LINGO1: variants seen among roughly 807,000 people sequenced by gnomAD.
LINGO1 encodes leucine-rich repeat and immunoglobulin-like domain-containing nogo receptor-interacting protein 1.
A neutral mutation model predicts 37.3 loss-of-function variants in LINGO1; 11 were observed. That is an observed-to-expected ratio of 0.29 (90% CI 0.19 to 0.49). The LOEUF (loss-of-function observed/expected upper bound fraction) is 0.49. LINGO1 is among the 20% of genes least tolerant of loss of function. The probability of loss-of-function intolerance (pLI) is 0.99; values close to 1 mark genes in which losing one functional copy is unlikely to be tolerated. For synonymous variants in LINGO1, 387 were observed against 403.0 expected (o/e 0.96, Z 0.48); for missense variants, 585 against 878.2 (o/e 0.67, Z 4.22).
At chr15:77,796,711 CTTTT>C (rs59535084) in intron 1 of LINGO1, among the ~76,000 whole-genome samples, 4 of 142,696 alleles carry the variant, frequency 2.8e-5, no homozygotes, top group African/African-American at 2.6e-5. Flanking sequence ...CCTCTCCTGC[CTTTT>C]TTTTTTTTTT....
In LINGO1 at chr15:77,658,733, G is replaced by A. The variant is rs555658893; in HGVS notation, c.-13+18356C>T. 4.6e-5 allele frequency among the ~76,000 whole-genome samples: 7 copies of A among 152,354 alleles called. No individual in the cohort carries two copies. In the South Asian group the frequency reaches 1.5e-3, roughly 32 times the overall value. ...ACCTCGGTTCTGGGCAAACCAGGAT[G>A]ACTGTCACCTGAAGGCTACTTTAGG... On this transcript the variant is annotated intron_variant, in intron 3 of 3. Transcript: ENST00000559893.
At chr15:77,709,729 G>A (rs2075895437) in intron 2 of LINGO1, among the ~76,000 whole-genome samples, 2 of 152,242 alleles carry the variant, frequency 1.3e-5, no homozygotes, top group Admixed American at 1.3e-4. Context: ...TGCCTGTCCT[G>A]ATGGAGCCAC....
At chr15:77,741,674 C>G (rs1464396448) in intron 1 of LINGO1, among the ~76,000 whole-genome samples, 2 of 152,230 alleles carry the variant, frequency 1.3e-5, no homozygotes, top group Non-Finnish European at 2.9e-5. Context: ...GTTCCGCAGA[C>G]AAGTAGCTTC....
intron 1 of LINGO1, among the ~76,000 whole-genome samples, chr15:77,736,994 C>G (rs1435137038): frequency 6.6e-6 from 1 of 152,182 alleles, no homozygotes; most frequent in Non-Finnish European, 1.5e-5. Context: ...GGGGTGTACC[C>G]TCACCTGTGT....
At chr15:77,720,277 G>C (rs895147825) in intron 2 of LINGO1, among the ~76,000 whole-genome samples, 1 of 152,186 alleles carries the variant, frequency 6.6e-6, no homozygotes, top group African/African-American at 2.4e-5. Flanking sequence ...AGGAGTAAAC[G>C]GCGTTTTTAT....
intron 2 of LINGO1, among the ~76,000 whole-genome samples, chr15:77,686,705 C>G (rs1427800246): frequency 1.3e-5 from 2 of 152,186 alleles, no homozygotes; most frequent in African/African-American, 4.8e-5. Flanking sequence ...CCATCCTTGC[C>G]TCTTCGGGGA....
At chr15:77,657,436 C>G (rs1228216957) in intron 3 of LINGO1, among the ~76,000 whole-genome samples, 1 of 152,194 alleles carries the variant, frequency 6.6e-6, no homozygotes, top group African/African-American at 2.4e-5. Context: ...AGGCCATTCT[C>G]TCTGGGTGTC....
intron 2 of LINGO1, among the ~76,000 whole-genome samples, chr15:77,726,374 G>A (rs1390691403): frequency 2.0e-5 from 3 of 152,202 alleles, no homozygotes; most frequent in Non-Finnish European, 4.4e-5. Flanking sequence ...GGTGCAGCAA[G>A]ACCCAAAGAC....
intron 2 of LINGO1, among the ~76,000 whole-genome samples, chr15:77,686,480 G>T (rs1224478800): frequency 6.6e-6 from 1 of 152,250 alleles, no homozygotes; most frequent in African/African-American, 2.4e-5. Flanking sequence ...TTCAAGCCAA[G>T]GGGCATCAGG....
intron 1 of LINGO1, among the ~76,000 whole-genome samples, chr15:77,777,359 G>A (rs1454234475): frequency 5.2e-5 from 6 of 114,870 alleles, no homozygotes; most frequent in African/African-American, 1.5e-4. Context: ...ACACACACAC[G>A]CATACACATA....
At chr15:77,750,410 A>C (rs1398995792) in intron 1 of LINGO1, among the ~76,000 whole-genome samples, 1 of 152,208 alleles carries the variant, frequency 6.6e-6, no homozygotes, top group Non-Finnish European at 1.5e-5. Context: ...TTACACACAC[A>C]CAGCCGCCCA....
At chr15:77,797,704 C>T (rs911932688) in intron 1 of LINGO1, among the ~76,000 whole-genome samples, 8 of 152,190 alleles carry the variant, frequency 5.3e-5, no homozygotes, top group African/African-American at 1.4e-4. Flanking sequence ...TGTTGGGTGC[C>T]GTCCAGCACA....
chr15:77,756,858 C>T (rs957797619), intron 1 of LINGO1, among the ~76,000 whole-genome samples: 19 of 152,208 alleles, frequency 1.2e-4, no homozygotes, highest in African/African-American at 4.1e-4. Context: ...TCCACCGCCC[C>T]CCAATGCCAA....
chr15:77,738,293 G>GT (rs1438190225), intron 1 of LINGO1, among the ~76,000 whole-genome samples: 1 of 152,152 alleles, frequency 6.6e-6, no homozygotes, highest in African/African-American at 2.4e-5. Context: ...ATCAGGCCCT[G>GT]TGGCTCCCTG....
chr15:77,673,447 T>TCCA (rs61196478), intron 3 of LINGO1, among the ~76,000 whole-genome samples: 14 of 151,776 alleles, frequency 9.2e-5, no homozygotes, highest in Admixed American at 8.5e-4. Flanking sequence ...ACCTGTGACC[T>TCCA]CGTTACCGAG....
At chr15:77,635,965 A>G (rs1044551780), upstream of LINGO1, among the ~76,000 whole-genome samples, 6 of 152,244 alleles carry the variant, frequency 3.9e-5, no homozygotes, top group Non-Finnish European at 7.3e-5. Flanking sequence ...GGAACACAGG[A>G]GGAGGGGAGA....
At chr15:77,714,974 T>C (rs968906246) in intron 2 of LINGO1, among the ~76,000 whole-genome samples, 6 of 152,256 alleles carry the variant, frequency 3.9e-5, no homozygotes, top group Non-Finnish European at 1.5e-5. Flanking sequence ...TCGAGTCATC[T>C]GTTTAAATAC....
intron 1 of LINGO1, among the ~76,000 whole-genome samples, chr15:77,736,110 TC>T (rs2076201680): frequency 6.6e-6 from 1 of 152,236 alleles, no homozygotes; most frequent in South Asian, 2.1e-4. Flanking sequence ...TCATTCCCAG[TC>T]ACCTCTCCAG....
chr15:77,638,564 A>G (rs2074440155), upstream of LINGO1, among the ~76,000 whole-genome samples: 1 of 152,198 alleles, frequency 6.6e-6, no homozygotes, highest in African/African-American at 2.4e-5. Flanking sequence ...AGGCAGCACT[A>G]TTAGCAAATC....
Sources: gnomAD v4.1 joint callset for allele counts (sites outside exome capture counted in the v4.1 genomes callset) on GRCh38, gnomAD v4.1.1 for gene constraint, MANE v1.5 for transcripts, NCBI Gene and HGNC (gene_info 2026-07-23, HGNC 2026-07-21) for gene names.